The following RSBN1 variants were observed in gnomAD, a reference collection of about 807,000 sequenced individuals.
RSBN1 encodes round spermatid basic protein 1, also known as lysine-specific demethylase 9.
In RSBN1, 23 loss-of-function variants were observed where a neutral mutation model predicts 74.8. The ratio of observed to expected loss-of-function variants is 0.31; its 90% CI spans 0.22 to 0.44. The LOEUF is 0.44. Ranked by LOEUF, RSBN1 falls within the 20% of genes least tolerant of loss-of-function variation. The probability of loss-of-function intolerance (pLI) is 1.00; values close to 1 mark genes in which losing one functional copy is unlikely to be tolerated. For missense variants in RSBN1, 808 were observed against 1,020.9 expected, an observed-to-expected ratio of 0.79 and a Z score of 2.84; for synonymous variants, 407 against 379.6, an observed-to-expected ratio of 1.07 and a Z score of -0.84.
intron 2 of RSBN1, among the ~76,000 whole-genome samples, chr1:113,779,103 T>A (rs185278591): frequency 7.3e-4 from 111 of 152,326 alleles, no homozygotes; most frequent in African/African-American, 2.5e-3. Flanking sequence ...TTTCTACCTC[T>A]GTTAAAATGC....
chr1:113,797,764 C>G lies in RSBN1; in HGVS notation c.976G>C (p.Glu326Gln). ...QLCRLNLGMQ[E>Q]YRVPQGVQTP... is the part of the protein sequence containing the mutation. ...TGTACTCCCTGGGGTACCCGATATT[C>G]TTGCATACCCAAATTTAATCGGCAC... Residue 326 changes from glutamate (E) to glutamine (Q), a missense_variant, in exon 2 of 7, where the codon GAA (glutamate) becomes CAA (glutamine). By Grantham distance (29) the Glu-to-Gln change is conservative (BLOSUM62 2). This residue lies in a region of RSBN1 where 85 missense variants were observed against 126.2 expected (regional missense o/e 0.67). Coordinates refer to ENST00000261441, the MANE Select transcript of RSBN1 (RefSeq NM_018364.5). 1.2e-6 allele frequency: 2 copies of G among 1,614,092 alleles called. No individual in the cohort carries two copies. Among genetic ancestry groups the G allele is most frequent in the Non-Finnish European group, 1.7e-6 (2 of 1,179,996 alleles).
chr1:113,797,307 G>T, intron 2 of RSBN1, 56 bp downstream of exon 2: 2 of 1,369,532 alleles, frequency 1.5e-6, no homozygotes, highest in African/African-American at 1.5e-5. Flanking sequence ...GACAGAAAGA[G>T]GTTAATTCTG....
chr1:113,764,682 A>G lies in RSBN1; in HGVS notation c.*1298T>C, dbSNP rs1255463428. On this transcript the variant is annotated 3_prime_UTR_variant, in exon 7 of 7. Coordinates refer to ENST00000261441, the MANE Select transcript of RSBN1 (RefSeq NM_018364.5). Reference sequence around the variant, plus strand: ...TCTTACCATCCAGGAAAAAAAAAAAATCTCCAAATTGCACTGTAACCAGGG... The same window carrying G: ...TCTTACCATCCAGGAAAAAAAAAAAGTCTCCAAATTGCACTGTAACCAGGG... 1.3e-5 allele frequency: 2 copies of G among 148,574 alleles called. No individual in the cohort carries two copies. Among genetic ancestry groups the G allele is most frequent in the Non-Finnish European group, 3.0e-5 (2 of 67,240 alleles). 9.2% of individuals were successfully genotyped at this position (148,574 alleles called of 1,614,324 possible).
chr1:113,774,552 C>T (rs1446780627), intron 4 of RSBN1, among the ~76,000 whole-genome samples: 1 of 152,072 alleles, frequency 6.6e-6, no homozygotes, highest in East Asian at 1.9e-4. Context: ...TAGCGGGAGG[C>T]TGTAGTCCCA....
intron 2 of RSBN1, among the ~76,000 whole-genome samples, chr1:113,778,739 CT>C (rs1473391136): frequency 1.3e-5 from 2 of 152,270 alleles, no homozygotes; most frequent in African/African-American, 4.8e-5. Flanking sequence ...TTCAAAAGCT[CT>C]TTTTTTCCAG....
At chr1:113,796,654 T>C (rs1660478456) in intron 2 of RSBN1, among the ~76,000 whole-genome samples, 1 of 152,324 alleles carries the variant, frequency 6.6e-6, no homozygotes, top group Non-Finnish European at 1.5e-5. Flanking sequence ...TGACCATTTA[T>C]ATTCAATTCT....
chr1:113,765,969 A>G lies in RSBN1; in HGVS notation c.*11T>C. The G allele has an allele frequency of 1.3e-6, 2 of 1,595,758 alleles. No homozygotes were observed. Among genetic ancestry groups the G allele is most frequent in the Non-Finnish European group, 8.6e-7 (1 of 1,165,540 alleles). ...TAAAAAAGTTAAAAAATGTGTTTGA[A>G]TATGTACATATCACACAGAAGTGGT... On this transcript the variant is annotated 3_prime_UTR_variant, in exon 7 of 7. Transcript: ENST00000261441.
intron 2 of RSBN1, among the ~76,000 whole-genome samples, chr1:113,780,873 C>G (rs1660125868): frequency 6.6e-6 from 1 of 152,184 alleles, no homozygotes; most frequent in Non-Finnish European, 1.5e-5. Flanking sequence ...AGAGAAAGCC[C>G]TTATTAGTAA....
intron 2 of RSBN1, among the ~76,000 whole-genome samples, chr1:113,793,054 A>G (rs1025191297): frequency 6.6e-6 from 1 of 152,218 alleles, no homozygotes; most frequent in Non-Finnish European, 1.5e-5. Flanking sequence ...TAAAAATAAC[A>G]GAAGTTTTCA....
At chr1:113,779,914 G>A (rs973616591) in intron 2 of RSBN1, among the ~76,000 whole-genome samples, 3 of 152,004 alleles carry the variant, frequency 2.0e-5, no homozygotes, top group Non-Finnish European at 2.9e-5. Context: ...CCAGATACTC[G>A]GGAGGCTGAG....
intron 1 of RSBN1, among the ~76,000 whole-genome samples, chr1:113,799,137 T>C (rs1404276301): frequency 6.6e-6 from 1 of 152,218 alleles, no homozygotes; most frequent in Admixed American, 6.5e-5. Flanking sequence ...TAAACATTAA[T>C]TCATCCAAAC....
chr1:113,767,052 A>G, intron 6 of RSBN1, 47 bp downstream of exon 6: 1 of 1,069,180 alleles, frequency 9.4e-7, no homozygotes, highest in Non-Finnish European at 1.4e-6. Context: ...ATGGGTATAG[A>G]TATTTACTTC....
Position 113,797,367 on chromosome 1 carries a change from G to A in RSBN1, c.1373C>T (p.Thr458Ile), listed in dbSNP as rs1166398080. Reference protein sequence around the residue: ...IETTTISNFHTQVNRTYCCGT... With the variant: ...IETTTISNFHIQVNRTYCCGT... ...TAACAACAATTTTTATCTTACCTGA[G>A]TGTGAAAATTTGAAATGGTGGTTGT... The change falls in exon 2 of 7, where the codon ACT (threonine) becomes ATT (isoleucine). Residue 458 changes from threonine (T) to isoleucine (I), a missense_variant. Transcript: ENST00000261441. 1 of 1,605,350 alleles carries A rather than the reference G, an allele frequency of 6.2e-7. No individual in the cohort carries two copies. The highest frequency in any genetic ancestry group is 8.5e-7 in the Non-Finnish European group (1 of 1,176,614).
chr1:113,776,657 C>G (rs185827427), intron 4 of RSBN1, among the ~76,000 whole-genome samples: 1 of 151,988 alleles, frequency 6.6e-6, no homozygotes, highest in East Asian at 1.9e-4. Context: ...ATAAAATACA[C>G]AAAACAATTT....
rs1276606180 is a variant in RSBN1 at position 113,764,636 on chromosome 1, T to A, written c.*1344A>T. On this transcript the variant is annotated 3_prime_UTR_variant, in exon 7 of 7. Transcript: ENST00000261441. The stretch of plus-strand genomic sequence containing the variant: ...TTGTATTTTTTTTTTTTTTTGCCTA[T>A]GTTAATGTAAATATTTCAAATCTTA... 3 of 148,726 alleles carry A rather than the reference T, an allele frequency of 2.0e-5. No individual in the cohort carries two copies. The Admixed American group carries it at 2.0e-4, about 10-fold the overall frequency. 9.2% of individuals were successfully genotyped at this position (148,726 alleles called of 1,614,324 possible).
At chr1:113,807,785 A>ATATATG (rs1002008316) in intron 1 of RSBN1, among the ~76,000 whole-genome samples, 2 of 137,588 alleles carry the variant, frequency 1.5e-5, no homozygotes, top group African/African-American at 5.0e-5. Context: ...ATATATATAT[A>ATATATG]TATATGTATA....
intron 2 of RSBN1, among the ~76,000 whole-genome samples, chr1:113,782,533 G>T (rs2797406): frequency 6.6e-6 from 1 of 152,110 alleles, no homozygotes; most frequent in East Asian, 1.9e-4. Context: ...TAAGAATAAC[G>T]TTTCAAAAAT....
At chr1:113,794,457 A>G (rs886432897) in intron 2 of RSBN1, among the ~76,000 whole-genome samples, 10 of 152,050 alleles carry the variant, frequency 6.6e-5, no homozygotes, top group African/African-American at 2.4e-4. Context: ...AATCCTAATC[A>G]TGTCTCTCTC....
At position 113,777,812 on chromosome 1, in the gene RSBN1, A is replaced by C. The variant is rs1419684406; in HGVS notation, c.1378-4T>G. On this transcript the variant is annotated splice_region_variant and splice_polypyrimidine_tract_variant and intron_variant, in intron 2 of 6. Transcript: ENST00000261441. ...CACAGCAGTATGTCCTGTTGACCTA[A>C]GATAAAACAAAAGAGGGAAAAATGG... The C allele has an allele frequency of 6.5e-7, 1 of 1,544,438 alleles. No individual in the cohort carries two copies. The highest frequency in any genetic ancestry group is 8.8e-7 in the Non-Finnish European group (1 of 1,141,760).
Sources: allele counts gnomAD v4.1 joint callset (sites outside exome capture counted in the v4.1 genomes callset), GRCh38; gene constraint gnomAD v4.1.1; regional missense constraint gnomAD v4.1.1; transcripts MANE v1.5; gene names NCBI Gene and HGNC (gene_info 2026-07-23, HGNC 2026-07-21).